The following LMNA variants were observed in gnomAD, a reference collection of about 807,000 sequenced individuals.
LMNA encodes the protein lamin.
Under a neutral mutation model 70.4 loss-of-function variants are expected in LMNA, and 20 were observed. The observed-to-expected ratio is 0.28, with a 90% CI of 0.20 to 0.41. The LOEUF is 0.41. LMNA is among the 10% of genes least tolerant of loss of function. LMNA has a pLI of 1.00. For missense variants in LMNA, 652 were observed against 917.2 expected (o/e 0.71, Z 3.73); for synonymous variants, 339 against 372.8 (o/e 0.91, Z 1.04).
At position 156,135,432 on chromosome 1, in the gene LMNA, A is replaced by C; in HGVS notation, c.936+120A>C. On this transcript the variant is annotated intron_variant, in intron 5 of 11. Transcript: ENST00000368300. This position sits in a 1 kb window ranked among gnomAD's most constrained non-coding sequence, Gnocchi z 4.8. ...GGTTCCTGAGGAGGAGAGGGATGAA[A>C]AGTGTCCCCACAACCACAGAGAAGG... 1 of 1,309,264 alleles carries C rather than the reference A, an allele frequency of 7.6e-7. No individual in the cohort carries two copies. The highest frequency in any genetic ancestry group is 1.1e-6 in the Non-Finnish European group (1 of 938,306). 81.1% of individuals were successfully genotyped at this position (1,309,264 alleles called of 1,614,324 possible).
At position 156,140,043 on chromosome 1, in the gene LMNA, C is replaced by T. The variant is rs941835264; in HGVS notation, c.*937C>T. The T allele has an allele frequency of 2.0e-4, 104 of 520,660 alleles. No homozygotes were observed. The highest frequency in any genetic ancestry group is 3.4e-4 in the Non-Finnish European group (99 of 294,740). 32.3% of individuals were successfully genotyped at this position (520,660 alleles called of 1,614,324 possible). ...TGCCTCCCCATTTCCCATCTGCACC[C>T]CTTCTCTCCTCCCCAAATCAATACA... On this transcript the variant is annotated 3_prime_UTR_variant, in exon 12 of 12. Coordinates refer to ENST00000368300, the MANE Select transcript of LMNA (RefSeq NM_170707.4).
intron 2 of LMNA, among the ~76,000 whole-genome samples, chr1:156,084,327 T>TTGGGGGGGGGGGGGGGGGGGGG (rs1558104047): frequency 1.7e-4 from 1 of 5,768 alleles, no homozygotes; most frequent in Non-Finnish European, 3.1e-4. Flanking sequence ...TCTCAGAAGG[T>TTGGGGGGGGGGGGGGGGGGGGG]CGGGGGGTGG....
intron 2 of LMNA, among the ~76,000 whole-genome samples, chr1:156,131,573 G>A (rs1031179923): frequency 6.6e-6 from 1 of 152,158 alleles, no homozygotes; most frequent in Admixed American, 6.5e-5. Context: ...CTGGGTGACA[G>A]AGGGAAACCC....
In LMNA at chr1:156,136,712, T is replaced by G; in HGVS notation, c.1381-209T>G. ...CTAAGTCTTTGAGTTGTCAGGAAGA[T>G]GAAAGATAAGGTATCCGTGTGCCTG... On this transcript the variant is annotated intron_variant, in intron 7 of 11. Coordinates refer to ENST00000368300, the MANE Select transcript of LMNA (RefSeq NM_170707.4). The surrounding 1 kb of genome is among the most constrained non-coding windows in gnomAD (Gnocchi z 6.1). 1 of 677,286 alleles carries G rather than the reference T, an allele frequency of 1.5e-6. No homozygotes were observed. The allele number at this position is 677,286 out of a possible 1,614,324, so 42.0% of individuals were successfully genotyped here.
chr1:156,126,359 T>G (rs1650575744), intron 1 of LMNA: 1 of 774,086 alleles, frequency 1.3e-6, no homozygotes, highest in African/African-American at 1.8e-5. Context: ...TCCCCCAGAT[T>G]GGGAGAGGAA....
intron 1 of LMNA, among the ~76,000 whole-genome samples, chr1:156,119,212 G>C (rs1305729577): frequency 6.6e-6 from 1 of 151,872 alleles, no homozygotes; most frequent in Non-Finnish European, 1.5e-5. Flanking sequence ...CCACCTCCCA[G>C]GTTCAAGCGA....
chr1:156,129,859 G>A (rs1193968194), intron 1 of LMNA: 1 of 771,448 alleles, frequency 1.3e-6, no homozygotes, highest in Non-Finnish European at 2.4e-6. Context: ...GATGGACCTG[G>A]AGGCCTGGGA....
At chr1:156,114,618 C>G (rs939902423), upstream of LMNA, 1 of 334,988 alleles carries the variant, frequency 3.0e-6, no homozygotes, top group Non-Finnish European at 5.4e-6. Flanking sequence ...GCCCCCACCC[C>G]CAATGGATCT....
rs934181841 is a variant in LMNA at position 156,138,810 on chromosome 1, G to A, written c.1968+53G>A. On this transcript the variant is annotated intron_variant, in intron 11 of 11. Coordinates refer to ENST00000368300, the MANE Select transcript of LMNA (RefSeq NM_170707.4). The surrounding 1 kb of genome is among the most constrained non-coding windows in gnomAD (Gnocchi z 5.5). ...TCCTGCAGGCGGGTCCCTGGTCATC[G>A]AGGGGTAGGACGAGGTGGCCTTGCA... is the stretch of plus-strand genomic sequence containing the variant. 46 of 1,609,962 alleles carry A rather than the reference G, an allele frequency of 2.9e-5. No homozygotes were observed. The highest frequency in any genetic ancestry group is 6.7e-5 in the East Asian group (3 of 44,846).
chr1:156,126,710 C>T (rs1231359557), intron 1 of LMNA: 1 of 1,551,686 alleles, frequency 6.4e-7, no homozygotes, highest in Non-Finnish European at 8.7e-7. Flanking sequence ...CTCCCCACCC[C>T]CTCTCTTCCC....
At chr1:156,121,046 C>CTTTTTTTTTT (rs57371677) in intron 1 of LMNA, among the ~76,000 whole-genome samples, 1 of 100,412 alleles carries the variant, frequency 1.0e-5, no homozygotes, top group Non-Finnish European at 1.9e-5. Flanking sequence ...CAAATCCATT[C>CTTTTTTTTTT]TTTTTTTTTT....
chr1:156,101,441 A>G (rs1178160979), intron 3 of LMNA, among the ~76,000 whole-genome samples: 3 of 152,162 alleles, frequency 2.0e-5, no homozygotes, highest in African/African-American at 7.2e-5. Context: ...GCAGTGAGCT[A>G]TGATTGCACC....
upstream of LMNA, chr1:156,109,876 G>A (rs1193665041): frequency 2.0e-5 from 3 of 149,928 alleles, no homozygotes; most frequent in African/African-American, 7.4e-5. Context: ...TTGAGACAGG[G>A]TTTCTCTCTT....
chr1:156,102,902 C>T (rs902518541), intron 3 of LMNA, among the ~76,000 whole-genome samples: 7 of 152,178 alleles, frequency 4.6e-5, no homozygotes, highest in African/African-American at 7.2e-5. Flanking sequence ...TAGGTCTTCC[C>T]GTAACTGCTG....
chr1:156,108,720 C>T (rs1015591217), intron 3 of LMNA, among the ~76,000 whole-genome samples: 7 of 151,762 alleles, frequency 4.6e-5, no homozygotes, highest in Non-Finnish European at 1.0e-4. Flanking sequence ...GAGCTGAGAT[C>T]GTGCCATTGC....
intron 1 of LMNA, among the ~76,000 whole-genome samples, chr1:156,125,760 G>A (rs1040229952): frequency 1.4e-4 from 20 of 144,090 alleles, no homozygotes; most frequent in Non-Finnish European, 2.4e-4. Context: ...AGGTGGAGGC[G>A]GGTGGATCAC....
intron 3 of LMNA, among the ~76,000 whole-genome samples, chr1:156,092,956 T>C (rs1478627315): frequency 6.6e-6 from 1 of 150,802 alleles, no homozygotes; most frequent in Admixed American, 6.6e-5. Context: ...TGGTGCGATC[T>C]CGGCTCACTG....
Position 156,138,356 on chromosome 1 carries a change from G to T in LMNA, c.1699-132G>T. 2 of 1,021,704 alleles carry T rather than the reference G, an allele frequency of 2.0e-6. No individual in the cohort carries two copies. Among genetic ancestry groups the T allele is most frequent in the Non-Finnish European group, 2.8e-6 (2 of 705,160 alleles). The allele number at this position is 1,021,704 out of a possible 1,614,324, so 63.3% of individuals were successfully genotyped here. On this transcript the variant is annotated intron_variant, in intron 10 of 11. Transcript: ENST00000368300. The surrounding 1 kb of genome is among the most constrained non-coding windows in gnomAD (Gnocchi z 5.5). ...CTAGCCTCCCAAACCCCCATTGCCC[G>T]CTGGCTCCTTGGGCACAGAACCACA...
In LMNA at chr1:156,103,538, C is replaced by T. The variant is rs763641966; in HGVS notation, c.-206-11175C>T. Among the ~76,000 whole-genome samples, 2 of 152,066 alleles carry T rather than the reference C, an allele frequency of 1.3e-5. No homozygotes were observed. The highest frequency in any genetic ancestry group is 2.9e-5 in the Non-Finnish European group (2 of 67,980). Reference sequence around the variant, plus strand: ...AAGGATGGTGGGCAGATGGTGGCCCCCTTGAGGAGGAGATGGGAGGGCAGC... The same window carrying T: ...AAGGATGGTGGGCAGATGGTGGCCCTCTTGAGGAGGAGATGGGAGGGCAGC... On this transcript the variant is annotated intron_variant, in intron 3 of 12. Coordinates refer to the LMNA transcript ENST00000368301. The surrounding 1 kb of genome is among the most constrained non-coding windows in gnomAD (Gnocchi z 4.7).
Sources: gnomAD v4.1 joint callset for allele counts (sites outside exome capture counted in the v4.1 genomes callset) on GRCh38, gnomAD v4.1.1 for gene constraint, Gnocchi (gnomAD v3.1) non-coding constraint, MANE v1.5 for transcripts, NCBI Gene and HGNC (gene_info 2026-07-23, HGNC 2026-07-21) for gene names.